Variants in FBXW2 observed in about 807,000 individuals in gnomAD.
FBXW2 encodes F-box and WD repeat domain containing 2.
Under a neutral mutation model 46.0 loss-of-function variants are expected in FBXW2, and 12 were observed. That is an observed-to-expected ratio of 0.26 (90% CI 0.17 to 0.42). The LOEUF (loss-of-function observed/expected upper bound fraction) is 0.42, where lower values mean the gene tolerates loss of function less well. Ranked by LOEUF, FBXW2 falls within the 10% of genes least tolerant of loss-of-function variation. FBXW2 has a pLI of 1.00. For synonymous variants in FBXW2, 203 were observed against 209.6 expected, an observed-to-expected ratio of 0.97 and a Z score of 0.27; for missense variants, 360 against 537.0, an observed-to-expected ratio of 0.67 and a Z score of 3.26.
chr9:120,777,584 G>A (rs761186060), intron 4 of FBXW2, among the ~76,000 whole-genome samples: 2 of 152,154 alleles, frequency 1.3e-5, no homozygotes, highest in Non-Finnish European at 2.9e-5. Context: ...GCTCATAAAC[G>A]TAATGCTTGA....
At position 120,757,364 on chromosome 9, in the gene FBXW2, GA is replaced by G. The variant is rs2044143709; in HGVS notation, c.*7194del. On this transcript the variant is annotated 3_prime_UTR_variant, in exon 8 of 8. Transcript: ENST00000608872. ...CTGTACCTGTAACAGAAAATACTAA[GA>G]AAAAATTCCACTGCTTTTGCGAGTA... is the stretch of plus-strand genomic sequence containing the variant. 6.6e-6 allele frequency: 1 copy of G among 152,150 alleles called. No individual in the cohort carries two copies. Among genetic ancestry groups the G allele is most frequent in the Non-Finnish European group, 1.5e-5 (1 of 68,012 alleles). The allele number at this position is 152,150 out of a possible 1,614,324, so 9.4% of individuals were successfully genotyped here. A position where few individuals can be genotyped will look rare whatever the true frequency, so the allele number is the denominator to read the frequency against.
Position 120,776,082 on chromosome 9 carries a change from A to T in FBXW2, c.819+11T>A. The T allele has an allele frequency of 6.2e-7, 1 of 1,612,962 alleles. No homozygotes were observed. Among genetic ancestry groups the T allele is most frequent in the Non-Finnish European group, 8.5e-7 (1 of 1,179,600 alleles). On this transcript the variant is annotated intron_variant, in intron 5 of 7. Transcript: ENST00000608872. ...CCTGATAAGCAGGAGACTTCTTCCA[A>T]GTCTTCCTACCTTGGTGACCCATTC...
rs557020009 is a variant in FBXW2, at chr9:120,763,234, G to A, written c.*1325C>T. 2 of 152,060 alleles carry A rather than the reference G, an allele frequency of 1.3e-5. No individual in the cohort carries two copies. Among genetic ancestry groups the A allele is most frequent in the African/African-American group, 4.8e-5 (2 of 41,396 alleles). The allele number at this position is 152,060 out of a possible 1,614,324, so 9.4% of individuals were successfully genotyped here. A position where few individuals can be genotyped will look rare whatever the true frequency, so the allele number is the denominator to read the frequency against. On this transcript the variant is annotated 3_prime_UTR_variant, in exon 8 of 8. Transcript: ENST00000608872. Reference sequence around the variant, plus strand: ...TGCCCTATTAGATCAACTTTCCAGGGGACAGCACAATCCTCCCCAGAATGT... The same window carrying A: ...TGCCCTATTAGATCAACTTTCCAGGAGACAGCACAATCCTCCCCAGAATGT...
intron 2 of FBXW2, 21 bp downstream of exon 2, chr9:120,793,128 C>T: frequency 1.5e-6 from 1 of 668,350 alleles, no homozygotes; most frequent in Non-Finnish European, 2.6e-6. Context: ...CTCTCGGAAT[C>T]GTGTTCCGCG....
At chr9:120,766,196 G>A (rs2044272527) in intron 7 of FBXW2, among the ~76,000 whole-genome samples, 1 of 152,218 alleles carries the variant, frequency 6.6e-6, no homozygotes, top group African/African-American at 2.4e-5. Context: ...AAGAACAGCT[G>A]AAGGCTATCA....
Position 120,760,236 on chromosome 9 carries a change from C to T in FBXW2, c.*4323G>A, listed in dbSNP as rs2044176823. The T allele has an allele frequency of 2.0e-5, 3 of 152,278 alleles. No individual in the cohort carries two copies. The highest frequency in any genetic ancestry group is 2.0e-4 in the Admixed American group (3 of 15,286). 9.4% of individuals were successfully genotyped at this position (152,278 alleles called of 1,614,324 possible). ...AAGGTGACAGTATGCCCTGCCCGGA[C>T]TGCATCATGAGTAGCAATCTGATTC... On this transcript the variant is annotated 3_prime_UTR_variant, in exon 8 of 8. Coordinates refer to ENST00000608872, the MANE Select transcript of FBXW2 (RefSeq NM_012164.4).
chr9:120,782,208 C>A (rs772535144), intron 3 of FBXW2, among the ~76,000 whole-genome samples: 4 of 152,020 alleles, frequency 2.6e-5, no homozygotes, highest in Non-Finnish European at 5.9e-5. Flanking sequence ...GTGGCTCATG[C>A]CTGTAATCCC....
chr9:120,757,118 T>C lies in FBXW2; in HGVS notation c.*7441A>G, dbSNP rs1387868111. 2.6e-5 allele frequency: 4 copies of C among 151,604 alleles called. No individual in the cohort carries two copies. The East Asian group carries it at 7.7e-4, about 29-fold the overall frequency. The allele number at this position is 151,604 out of a possible 1,614,324, so 9.4% of individuals were successfully genotyped here. ...GCAGACAGAATTCAAGAGATACAAA[T>C]AAGCACACATAAAAATATGTCATTT... On this transcript the variant is annotated 3_prime_UTR_variant, in exon 8 of 8. Coordinates refer to ENST00000608872, the MANE Select transcript of FBXW2 (RefSeq NM_012164.4).
chr9:120,768,027 C>T (rs933548482), intron 7 of FBXW2, among the ~76,000 whole-genome samples: 1 of 152,170 alleles, frequency 6.6e-6, no homozygotes, highest in Non-Finnish European at 1.5e-5. Context: ...AACTTCTAAA[C>T]TCTTTGATGG....
chr9:120,793,143 A>C lies in FBXW2; in HGVS notation c.-21+6T>G. ...CTCTCGGAATCGTGTTCCGCGCGGC[A>C]CTGACCTGAGCGAGCGCCCCGGGGC... On this transcript the variant is annotated splice_donor_region_variant and intron_variant, in intron 2 of 7. Transcript: ENST00000608872. 1 of 627,626 alleles carries C rather than the reference A, an allele frequency of 1.6e-6. No homozygotes were observed. Among genetic ancestry groups the C allele is most frequent in the Non-Finnish European group, 2.8e-6 (1 of 362,546 alleles). 38.9% of individuals were successfully genotyped at this position (627,626 alleles called of 1,614,324 possible).
intron 2 of FBXW2, 105 bp downstream of exon 2, chr9:120,793,044 T>A: frequency 1.6e-6 from 2 of 1,212,478 alleles, no homozygotes; most frequent in African/African-American, 1.5e-5. Flanking sequence ...TAGGAGGCAG[T>A]AACTCCAAAA....
chr9:120,774,577 A>G (rs1225679356), intron 5 of FBXW2, among the ~76,000 whole-genome samples: 1 of 152,136 alleles, frequency 6.6e-6, no homozygotes, highest in Non-Finnish European at 1.5e-5. Context: ...AGGTGGCTTT[A>G]CCTTAAAGAC....
intron 2 of FBXW2, among the ~76,000 whole-genome samples, chr9:120,790,691 T>C (rs1181637347): frequency 6.6e-6 from 1 of 152,196 alleles, no homozygotes; most frequent in Non-Finnish European, 1.5e-5. Context: ...AAATTTAGAA[T>C]ACTCATTAAA....
At position 120,763,125 on chromosome 9, in the gene FBXW2, G is replaced by A. The variant is rs2044221375; in HGVS notation, c.*1434C>T. 6.6e-6 allele frequency: 1 copy of A among 152,156 alleles called. No individual in the cohort carries two copies. The allele number at this position is 152,156 out of a possible 1,614,324, so 9.4% of individuals were successfully genotyped here. A position where few individuals can be genotyped will look rare whatever the true frequency, so the allele number is the denominator to read the frequency against. On this transcript the variant is annotated 3_prime_UTR_variant, in exon 8 of 8. Coordinates refer to ENST00000608872, the MANE Select transcript of FBXW2 (RefSeq NM_012164.4). Reference sequence around the variant, plus strand: ...AATCCAGGATTTCAAATAAAAATCTGGATTTCTAGCTCCTCCTGAAACAAT... The same window carrying A: ...AATCCAGGATTTCAAATAAAAATCTAGATTTCTAGCTCCTCCTGAAACAAT...
chr9:120,778,302 T>TA lies in FBXW2; in HGVS notation c.685+48dup, dbSNP rs777278682. The TA allele has an allele frequency of 9.3e-6, 14 of 1,500,396 alleles. 1 individual carries two copies. In the Middle Eastern group the frequency reaches 9.9e-4, roughly 106 times the overall value. The allele number at this position is 1,500,396 out of a possible 1,614,324, so 92.9% of individuals were successfully genotyped here. On this transcript the variant is annotated intron_variant, in intron 4 of 7. Transcript: ENST00000608872. ...CATTTCACATTCTTGGCTCCTGGCT[T>TA]AAAAGGATGAGGCTAAGTTGTAAAA...
rs572998784 is a variant in FBXW2, at chr9:120,792,703, G to C, written c.-21+446C>G. ...TGTCTCATGCCCTGTTTCCTCACTT[G>C]TAAAATACAGCCAAGAGCATTACCT... On this transcript the variant is annotated intron_variant, in intron 2 of 7. Coordinates refer to ENST00000608872, the MANE Select transcript of FBXW2 (RefSeq NM_012164.4). 2.6e-4 allele frequency among the ~76,000 whole-genome samples: 39 copies of C among 152,266 alleles called. 1 individual carries two copies. The East Asian group carries it at 7.1e-3, about 28-fold the overall frequency.
chr9:120,768,963 C>T (rs750548796), intron 7 of FBXW2, among the ~76,000 whole-genome samples: 2 of 152,184 alleles, frequency 1.3e-5, no homozygotes, highest in Non-Finnish European at 2.9e-5. Context: ...GAGCTGATTC[C>T]AAAGACTGAA....
At chr9:120,770,909 CTCTG>C (rs2044363517) in intron 7 of FBXW2, among the ~76,000 whole-genome samples, 1 of 152,188 alleles carries the variant, frequency 6.6e-6, no homozygotes, top group African/African-American at 2.4e-5. Context: ...TTCTCTAAGT[CTCTG>C]TCTTTCTACT....
At chr9:120,786,464 C>T (rs558071665) in intron 3 of FBXW2, among the ~76,000 whole-genome samples, 1 of 152,332 alleles carries the variant, frequency 6.6e-6, no homozygotes, top group East Asian at 1.9e-4. Context: ...GAGGCCTCCC[C>T]AGCCATGTGG....
Sources: gnomAD v4.1 joint callset for allele counts (sites outside exome capture counted in the v4.1 genomes callset) on GRCh38, gnomAD v4.1.1 for gene constraint, MANE v1.5 for transcripts, NCBI Gene and HGNC (gene_info 2026-07-23, HGNC 2026-07-21) for gene names.